The following TRAK1 variants were observed in gnomAD, a reference collection of about 807,000 sequenced individuals.
The protein encoded by TRAK1 is trafficking kinesin protein 1.
TRAK1 carries 33 observed loss-of-function variants against 92.1 expected under a neutral mutation model. That is an observed-to-expected ratio of 0.36 (90% CI 0.27 to 0.48). TRAK1 has a LOEUF of 0.48. TRAK1 is among the 20% of genes least tolerant of loss of function. The probability of loss-of-function intolerance (pLI) is 0.99; values close to 1 mark genes in which losing one functional copy is unlikely to be tolerated. For missense variants in TRAK1, 1,123 were observed against 1,257.9 expected, an observed-to-expected ratio of 0.89 and a Z score of 1.62; for synonymous variants, 521 against 517.3, an observed-to-expected ratio of 1.01 and a Z score of -0.10.
chr3:42,106,443 T>C (rs1372569527), intron 1 of TRAK1, among the ~76,000 whole-genome samples: 1 of 152,120 alleles, frequency 6.6e-6, no homozygotes, highest in African/African-American at 2.4e-5. Context: ...CATTACATAA[T>C]GGTAAAGGGA....
At chr3:42,071,332 G>A (rs1283013249) in intron 1 of TRAK1, among the ~76,000 whole-genome samples, 4 of 152,252 alleles carry the variant, frequency 2.6e-5, no homozygotes, top group East Asian at 1.9e-4. Flanking sequence ...GGCAGCCGCT[G>A]TTTTTGGGTG....
chr3:42,077,890 G>A (rs537857681), intron 1 of TRAK1, among the ~76,000 whole-genome samples: 3 of 152,332 alleles, frequency 2.0e-5, no homozygotes, highest in East Asian at 3.9e-4. Flanking sequence ...GTTATTGTCT[G>A]TGAAGAGAGA....
At chr3:42,129,985 A>T (rs974226969) in intron 2 of TRAK1, among the ~76,000 whole-genome samples, 2 of 152,240 alleles carry the variant, frequency 1.3e-5, no homozygotes, top group Non-Finnish European at 2.9e-5. Context: ...ATAAATAAAT[A>T]AAATATATGT....
chr3:42,146,510 CT>C (rs1346088074), intron 2 of TRAK1: 2 of 155,732 alleles, frequency 1.3e-5, no homozygotes, highest in African/African-American at 4.8e-5. Flanking sequence ...GTTTGTCTGA[CT>C]TTCATGTGAT....
chr3:42,119,321 G>C (rs1709554893), intron 1 of TRAK1, among the ~76,000 whole-genome samples: 1 of 152,148 alleles, frequency 6.6e-6, no homozygotes, highest in Admixed American at 6.6e-5. Context: ...GCAGTGAAGG[G>C]CATTCTAGGG....
intron 3 of TRAK1, among the ~76,000 whole-genome samples, chr3:42,177,732 G>T (rs2149366065): frequency 6.6e-6 from 1 of 152,290 alleles, no homozygotes; most frequent in East Asian, 1.9e-4. Context: ...TTTCCCAGAG[G>T]TTTTTCTGGA....
intron 1 of TRAK1, among the ~76,000 whole-genome samples, chr3:42,112,215 C>T (rs1258043097): frequency 5.8e-5 from 8 of 138,186 alleles, no homozygotes; most frequent in Non-Finnish European, 1.2e-4. Flanking sequence ...GATCTCGGCT[C>T]ATTGCAACCT....
At chr3:42,023,606 A>AGT (rs1337893600) in intron 1 of TRAK1, among the ~76,000 whole-genome samples, 1 of 151,972 alleles carries the variant, frequency 6.6e-6, no homozygotes, top group South Asian at 2.1e-4. Context: ...TTGAAGAGAT[A>AGT]GTGGTAGGGT....
intron 1 of TRAK1, among the ~76,000 whole-genome samples, chr3:42,039,961 A>G (rs76598442): frequency 0.074 from 11,224 of 152,236 alleles, 478 homozygotes; most frequent in Middle Eastern, 0.21. Context: ...GCATTTCAGG[A>G]CGGCTGATGA....
chr3:42,136,964 C>T (rs1475911263), intron 2 of TRAK1, among the ~76,000 whole-genome samples: 14 of 152,150 alleles, frequency 9.2e-5, no homozygotes, highest in Admixed American at 9.2e-4. Context: ...CAGGCGTGAG[C>T]TACCGTGCCT....
chr3:42,225,525 T>C lies in TRAK1; in HGVS notation c.*1788T>C, dbSNP rs1441797205. Reference sequence around the variant, plus strand: ...ATGTATTTTAAAGCAGTAGATAGAATAACAAAGGAATATGAAAACCATGGA... The same window carrying C: ...ATGTATTTTAAAGCAGTAGATAGAACAACAAAGGAATATGAAAACCATGGA... On this transcript the variant is annotated 3_prime_UTR_variant, in exon 16 of 16. Transcript: ENST00000327628. The C allele has an allele frequency of 6.6e-6, 1 of 152,204 alleles. No homozygotes were observed. The highest frequency in any genetic ancestry group is 1.5e-5 in the Non-Finnish European group (1 of 68,030). 9.4% of individuals were successfully genotyped at this position (152,204 alleles called of 1,614,324 possible). A position where few individuals can be genotyped will look rare whatever the true frequency, so the allele number is the denominator to read the frequency against.
Position 42,202,320 on chromosome 3 carries a change from C to T in TRAK1, c.1428-116C>T. 8.7e-7 allele frequency: 1 copy of T among 1,152,752 alleles called. No homozygotes were observed. Among genetic ancestry groups the T allele is most frequent in the Admixed American group, 3.5e-5 (1 of 28,902 alleles). The allele number at this position is 1,152,752 out of a possible 1,614,324, so 71.4% of individuals were successfully genotyped here. A position where few individuals can be genotyped will look rare whatever the true frequency, so the allele number is the denominator to read the frequency against. ...TAAATGTCAACTGCTTGCCTTGGTT[C>T]CCATGGAGAATCCTGTAGCCCCAGG... On this transcript the variant is annotated intron_variant, in intron 12 of 15. Transcript: ENST00000327628. The surrounding 1 kb of genome is among the most constrained non-coding windows in gnomAD (Gnocchi z 6.1).
At chr3:42,136,101 A>G (rs1697922640) in intron 2 of TRAK1, among the ~76,000 whole-genome samples, 1 of 152,170 alleles carries the variant, frequency 6.6e-6, no homozygotes, top group Non-Finnish European at 1.5e-5. Context: ...ATCATCATAA[A>G]GAAATCATGG....
intron 1 of TRAK1, among the ~76,000 whole-genome samples, chr3:42,058,008 C>T (rs1022756433): frequency 3.3e-5 from 5 of 152,230 alleles, no homozygotes; most frequent in Non-Finnish European, 7.3e-5. Flanking sequence ...TCCTCCTTTA[C>T]TGCTACCCAG....
At chr3:42,097,443 A>T (rs1487741222) in intron 1 of TRAK1, among the ~76,000 whole-genome samples, 1 of 152,176 alleles carries the variant, frequency 6.6e-6, no homozygotes, top group Non-Finnish European at 1.5e-5. Context: ...CACCCCTGGT[A>T]TGAGCACATT....
chr3:42,140,649 A>G (rs1480245217), intron 2 of TRAK1, among the ~76,000 whole-genome samples: 3 of 152,318 alleles, frequency 2.0e-5, no homozygotes, highest in African/African-American at 7.2e-5. Context: ...TAAAATAAAG[A>G]TCAGAAAGAG....
At chr3:42,148,031 C>G in intron 2 of TRAK1, among the ~76,000 whole-genome samples, 1 of 152,020 alleles carries the variant, frequency 6.6e-6, no homozygotes, top group Middle Eastern at 3.4e-3. Context: ...GAAACACACA[C>G]ACACACACAC....
chr3:42,122,694 C>T (rs917276218), intron 1 of TRAK1, among the ~76,000 whole-genome samples: 1 of 152,120 alleles, frequency 6.6e-6, no homozygotes, highest in Non-Finnish European at 1.5e-5. Flanking sequence ...ATTGTGGGCC[C>T]ATCTTGAGCC....
chr3:42,158,787 C>CAAA (rs149521969), intron 2 of TRAK1, among the ~76,000 whole-genome samples: 59 of 69,528 alleles, frequency 8.5e-4, no homozygotes, highest in African/African-American at 2.3e-3. Context: ...ACAAAAAATA[C>CAAA]AAAAAAAAAA....
Sources: allele counts gnomAD v4.1 joint callset (sites outside exome capture counted in the v4.1 genomes callset), GRCh38; gene constraint gnomAD v4.1.1; non-coding constraint Gnocchi (gnomAD v3.1); transcripts MANE v1.5; gene names NCBI Gene and HGNC (gene_info 2026-07-23, HGNC 2026-07-21).